The following COL19A1 variants were observed in gnomAD, a reference collection of about 807,000 sequenced individuals.
COL19A1 encodes the protein collagen alpha-1(XIX) chain.
COL19A1 carries 159 observed loss-of-function variants against 190.2 expected under a neutral mutation model. That is an observed-to-expected ratio of 0.84 (90% CI 0.73 to 0.95). The LOEUF is 0.95. Ranked by LOEUF, COL19A1 falls within the 40% of genes least tolerant of loss-of-function variation. The probability of loss-of-function intolerance (pLI) is 0.00; values close to 1 mark genes in which losing one functional copy is unlikely to be tolerated. For synonymous variants in COL19A1, 509 were observed against 458.9 expected, an observed-to-expected ratio of 1.11 and a Z score of -1.39; for missense variants, 1,418 against 1,431.9, an observed-to-expected ratio of 0.99 and a Z score of 0.16.
At chr6:70,098,367 G>T in intron 15 of COL19A1, 1 of 497,980 alleles carries the variant, frequency 2.0e-6, no homozygotes, top group South Asian at 1.5e-5. Context: ...AACATTTATT[G>T]TGTGACTAAT....
intron 48 of COL19A1, 45 bp from the exon 49 acceptor site, chr6:70,199,563 A>T (rs964608738): frequency 7.5e-7 from 1 of 1,330,582 alleles, no homozygotes; most frequent in Non-Finnish European, 9.8e-7. Flanking sequence ...TTGACATAAA[A>T]TATTTCTGTT....
intron 11 of COL19A1, among the ~76,000 whole-genome samples, chr6:69,971,886 A>C (rs555603658): frequency 6.6e-6 from 1 of 152,244 alleles, no homozygotes; most frequent in Non-Finnish European, 1.5e-5. Flanking sequence ...TCATTTTCCA[A>C]ATTATGGTCA....
chr6:69,913,739 C>T (rs1771111295), intron 4 of COL19A1, among the ~76,000 whole-genome samples: 1 of 151,982 alleles, frequency 6.6e-6, no homozygotes, highest in South Asian at 2.1e-4. Context: ...GGGGTTTGAA[C>T]TTTATTCATA....
At chr6:70,068,659 A>G (rs1156889249) in intron 15 of COL19A1, among the ~76,000 whole-genome samples, 183 bp downstream of exon 15, 1 of 151,844 alleles carries the variant, frequency 6.6e-6, no homozygotes, top group East Asian at 1.9e-4. Context: ...AAAATTCTAT[A>G]TTTTTCAAGA....
intron 9 of COL19A1, among the ~76,000 whole-genome samples, chr6:69,945,850 A>T (rs1773762753): frequency 6.6e-6 from 1 of 152,064 alleles, no homozygotes; most frequent in African/African-American, 2.4e-5. Context: ...AGTGTTAGTG[A>T]CAGAGAAACT....
chr6:70,034,899 T>G (rs1779267817), intron 13 of COL19A1, among the ~76,000 whole-genome samples: 1 of 152,194 alleles, frequency 6.6e-6, no homozygotes. Flanking sequence ...AATCCTTGTC[T>G]ATCTTCAATA....
At chr6:69,896,255 A>C (rs1769732281) in intron 2 of COL19A1, among the ~76,000 whole-genome samples, 1 of 152,204 alleles carries the variant, frequency 6.6e-6, no homozygotes, top group Non-Finnish European at 1.5e-5. Flanking sequence ...ACTGCCAAAC[A>C]GGCCGGGCGC....
At chr6:70,128,973 G>C (rs1006671334) in intron 17 of COL19A1, among the ~76,000 whole-genome samples, 5 of 152,308 alleles carry the variant, frequency 3.3e-5, no homozygotes, top group South Asian at 2.1e-4. Context: ...CCTTGAGAAA[G>C]ACGTTCCCAG....
intron 16 of COL19A1, among the ~76,000 whole-genome samples, chr6:70,109,541 A>T (rs1784163996): frequency 6.9e-6 from 1 of 143,892 alleles, no homozygotes; most frequent in African/African-American, 2.6e-5. Context: ...CCGTTTTGTA[A>T]GTGTGTGTGT....
At chr6:70,098,313 C>A in intron 15 of COL19A1, 2 of 419,320 alleles carry the variant, frequency 4.8e-6, no homozygotes, top group Non-Finnish European at 9.5e-6. Flanking sequence ...GAGTAAAATT[C>A]ACCCTACCAA....
At chr6:69,920,265 A>G (rs1449271827) in intron 4 of COL19A1, among the ~76,000 whole-genome samples, 1 of 152,122 alleles carries the variant, frequency 6.6e-6, no homozygotes, top group African/African-American at 2.4e-5. Flanking sequence ...TGCTTGTACT[A>G]TAGTTAGTCA....
chr6:70,196,756 G>A (rs1305283717), intron 48 of COL19A1, among the ~76,000 whole-genome samples: 1 of 152,136 alleles, frequency 6.6e-6, no homozygotes, highest in African/African-American at 2.4e-5. Context: ...TTCAATTCCT[G>A]CCTCATTAGA....
At chr6:69,882,700 A>T (rs1768643358) in intron 2 of COL19A1, among the ~76,000 whole-genome samples, 1 of 152,160 alleles carries the variant, frequency 6.6e-6, no homozygotes, top group Non-Finnish European at 1.5e-5. Flanking sequence ...AAGTGTCCAG[A>T]TTGACTTGAT....
At chr6:70,097,908 C>T (rs978383996) in intron 15 of COL19A1, among the ~76,000 whole-genome samples, 14 of 152,110 alleles carry the variant, frequency 9.2e-5, no homozygotes, top group Non-Finnish European at 1.2e-4. Context: ...AGACTTATTC[C>T]GGCTCAGCAG....
chr6:70,108,305 T>A (rs1784089381), intron 16 of COL19A1, among the ~76,000 whole-genome samples: 1 of 152,172 alleles, frequency 6.6e-6, no homozygotes, highest in Non-Finnish European at 1.5e-5. Flanking sequence ...TTTTTTCTTC[T>A]GGTATTGTTT....
chr6:70,038,934 G>T (rs961215879), intron 14 of COL19A1, among the ~76,000 whole-genome samples: 1 of 152,084 alleles, frequency 6.6e-6, no homozygotes, highest in Admixed American at 6.6e-5. Context: ...GTGTGTGCCT[G>T]TAGTCTCAGC....
chr6:70,104,394 C>T (rs115158689), intron 16 of COL19A1, among the ~76,000 whole-genome samples: 2,438 of 152,206 alleles, frequency 0.016, 68 homozygotes, highest in African/African-American at 0.053. Context: ...CAGGAAAGAG[C>T]GAGTGTGAAG....
chr6:70,043,266 A>G (rs960976307), intron 14 of COL19A1, among the ~76,000 whole-genome samples: 5 of 148,706 alleles, frequency 3.4e-5, no homozygotes, highest in African/African-American at 1.0e-4. Context: ...ATCTCGGCTC[A>G]CTGCAAGCTC....
chr6:70,149,016 A>G (rs1404005687), intron 27 of COL19A1, among the ~76,000 whole-genome samples: 1 of 152,022 alleles, frequency 6.6e-6, no homozygotes, highest in Non-Finnish European at 1.5e-5. Flanking sequence ...GGAAGGGAGG[A>G]AAAAGTAGCT....
Sources: gnomAD v4.1 joint callset for allele counts (sites outside exome capture counted in the v4.1 genomes callset) on GRCh38, gnomAD v4.1.1 for gene constraint, MANE v1.5 for transcripts, NCBI Gene and HGNC (gene_info 2026-07-23, HGNC 2026-07-21) for gene names.